Variants in IFT88 observed in about 807,000 individuals in gnomAD.
The protein encoded by IFT88 is intraflagellar transport protein 88 homolog.
In IFT88, 74 loss-of-function variants were observed where a neutral mutation model predicts 119.5. The ratio of observed to expected loss-of-function variants is 0.62; its 90% CI spans 0.51 to 0.75. The LOEUF (loss-of-function observed/expected upper bound fraction) is 0.75. IFT88 is among the 30% of genes least tolerant of loss of function. The probability of loss-of-function intolerance (pLI) is 0.00; values close to 1 mark genes in which losing one functional copy is unlikely to be tolerated. For missense variants in IFT88, 961 were observed against 977.7 expected, an observed-to-expected ratio of 0.98 and a Z score of 0.23; for synonymous variants, 279 against 316.7, an observed-to-expected ratio of 0.88 and a Z score of 1.26.
intron 3 of IFT88, among the ~76,000 whole-genome samples, chr13:20,583,354 A>G (rs554782904): frequency 2.6e-5 from 4 of 152,292 alleles, no homozygotes; most frequent in Admixed American, 1.3e-4. Context: ...CACTTAGTAT[A>G]ATGTCCTCAA....
intron 13 of IFT88, among the ~76,000 whole-genome samples, chr13:20,610,064 C>T (rs1304737268): frequency 6.6e-6 from 1 of 151,328 alleles, no homozygotes; most frequent in Admixed American, 6.6e-5. Flanking sequence ...AGATGCTTCC[C>T]TGTTCAGAGA....
At chr13:20,608,153 T>C (rs2043835275) in intron 13 of IFT88, 1 of 426,126 alleles carries the variant, frequency 2.3e-6, no homozygotes, top group Non-Finnish European at 4.7e-6. Context: ...CTATGACTTG[T>C]AGAGTCCAGA....
intron 16 of IFT88, chr13:20,631,366 C>A: frequency 2.9e-6 from 1 of 349,244 alleles, no homozygotes; most frequent in Non-Finnish European, 5.3e-6. Flanking sequence ...CAACATACAG[C>A]TGGAAGAGCT....
At chr13:20,686,952 C>T (rs1365217878) in intron 24 of IFT88, among the ~76,000 whole-genome samples, 1 of 149,858 alleles carries the variant, frequency 6.7e-6, no homozygotes, top group Non-Finnish European at 1.5e-5. Flanking sequence ...TCTCCTCCTG[C>T]CTCAGCTTCC....
At chr13:20,671,866 G>C (rs1011893477) in intron 24 of IFT88, among the ~76,000 whole-genome samples, 1 of 152,180 alleles carries the variant, frequency 6.6e-6, no homozygotes, top group African/African-American at 2.4e-5. Context: ...TGTCATATCT[G>C]TTTGTGATGT....
chr13:20,602,889 A>C (rs941274972), intron 12 of IFT88, among the ~76,000 whole-genome samples: 10 of 152,130 alleles, frequency 6.6e-5, no homozygotes, highest in African/African-American at 2.2e-4. Context: ...TCTTGAAAAA[A>C]AAAAAGTGAA....
intron 14 of IFT88, among the ~76,000 whole-genome samples, chr13:20,617,531 G>A (rs1288317110): frequency 6.6e-6 from 1 of 152,176 alleles, no homozygotes; most frequent in African/African-American, 2.4e-5. Flanking sequence ...AGGAATTCAA[G>A]TCCTAGATAA....
At chr13:20,591,855 A>G (rs2040743849) in intron 6 of IFT88, among the ~76,000 whole-genome samples, 174 bp downstream of exon 6, 1 of 152,226 alleles carries the variant, frequency 6.6e-6, no homozygotes, top group Non-Finnish European at 1.5e-5. Context: ...AACCTTCTAC[A>G]TATCTGTTGG....
intron 7 of IFT88, among the ~76,000 whole-genome samples, chr13:20,594,546 G>A (rs1290219676): frequency 6.6e-6 from 1 of 152,036 alleles, no homozygotes; most frequent in East Asian, 1.9e-4. Flanking sequence ...CATTTTTTTT[G>A]CATTTGATAG....
intron 3 of IFT88, among the ~76,000 whole-genome samples, chr13:20,585,293 CAAAG>C (rs1469822086): frequency 6.6e-6 from 1 of 152,120 alleles, no homozygotes; most frequent in African/African-American, 2.4e-5. Flanking sequence ...TGGAAAGACT[CAAAG>C]AACTCACTGA....
At chr13:20,567,597 A>G (rs551461370) in intron 1 of IFT88, 2 of 330,866 alleles carry the variant, frequency 6.0e-6, no homozygotes, top group East Asian at 1.4e-4. Context: ...CTTAAAACCC[A>G]GTTAGATTAC....
In IFT88 at chr13:20,567,158, T is replaced by G. The variant is rs1356159364; in HGVS notation, c.-105T>G. On this transcript the variant is annotated 5_prime_UTR_variant, in exon 1 of 26. Transcript: ENST00000351808. ...GCGGAGGACTGTGGGAGCGGCTTCC[T>G]TGGATTCCGCGCTTGGCAACGGCTC... The G allele has an allele frequency of 2.6e-5, 4 of 152,098 alleles. No homozygotes were observed. Among genetic ancestry groups the G allele is most frequent in the South Asian group, 2.1e-4 (1 of 4,834 alleles). The allele number at this position is 152,098 out of a possible 1,614,324, so 9.4% of individuals were successfully genotyped here.
chr13:20,575,396 A>T (rs910728799), intron 2 of IFT88, among the ~76,000 whole-genome samples: 6 of 152,156 alleles, frequency 3.9e-5, no homozygotes, highest in Non-Finnish European at 8.8e-5. Flanking sequence ...GGCTATTGTG[A>T]ATACTGCTGC....
chr13:20,670,980 A>T lies in IFT88; in HGVS notation c.2183A>T (p.Lys728Met). ...GTCTTCTCTTTGCTCTAGCGCATAAAGTCAGGCAGAGATGGCAGTGGGGGC... is the reference window on the plus strand; with the variant it reads ...GTCTTCTCTTTGCTCTAGCGCATAATGTCAGGCAGAGATGGCAGTGGGGGC... ...KMKEIREQRI[K>M]SGRDGSGGSR... The change falls in exon 24 of 26, where the codon AAG (lysine) becomes ATG (methionine). Residue 728 changes from lysine (K) to methionine (M), a missense_variant. By Grantham distance (95) the Lys-to-Met change is moderately conservative. Transcript: ENST00000351808. 1.9e-6 allele frequency: 3 copies of T among 1,613,868 alleles called. No homozygotes were observed. The highest frequency in any genetic ancestry group is 2.5e-6 in the Non-Finnish European group (3 of 1,179,840).
intron 1 of IFT88, among the ~76,000 whole-genome samples, chr13:20,570,366 A>G (rs534313466): frequency 4.7e-4 from 71 of 152,338 alleles, no homozygotes; most frequent in African/African-American, 1.6e-3. Context: ...CAATTCCTTT[A>G]CTAGATATAT....
At chr13:20,609,747 A>G (rs1321430293) in intron 13 of IFT88, among the ~76,000 whole-genome samples, 1 of 149,534 alleles carries the variant, frequency 6.7e-6, no homozygotes, top group Non-Finnish European at 1.5e-5. Context: ...CTGTCTCAAA[A>G]ACAAACAAAC....
At chr13:20,597,408 G>A (rs1251625212) in intron 9 of IFT88, among the ~76,000 whole-genome samples, 2 of 152,054 alleles carry the variant, frequency 1.3e-5, no homozygotes, top group South Asian at 2.1e-4. Flanking sequence ...TCAGAAGTTT[G>A]CGACCAGCCT....
At chr13:20,600,022 T>G (rs1357620327) in intron 11 of IFT88, among the ~76,000 whole-genome samples, 1 of 152,146 alleles carries the variant, frequency 6.6e-6, no homozygotes, top group African/African-American at 2.4e-5. Context: ...GCAGAAACAG[T>G]AAGTTCTCTT....
Position 20,691,057 on chromosome 13 carries a change from C to G in IFT88, c.2357C>G (p.Ala786Gly), listed in dbSNP as rs1320956544. 6.2e-7 allele frequency: 1 copy of G among 1,612,592 alleles called. No homozygotes were observed. Among genetic ancestry groups the G allele is most frequent in the Admixed American group, 1.7e-5 (1 of 59,720 alleles). Residue 786 changes from alanine to glycine, a missense_variant, in exon 26 of 26, where the codon GCC becomes GGC. Coordinates refer to ENST00000351808, the MANE Select transcript of IFT88 (RefSeq NM_006531.5). ...TGACAATCTCTTCGAAACCTAGATG[C>G]CTCCTATGTGGACCCACTTGGCCCT... ...YESSSNKEID[A>G]SYVDPLGPQI...
Sources: gnomAD v4.1 joint callset for allele counts (sites outside exome capture counted in the v4.1 genomes callset) on GRCh38, gnomAD v4.1.1 for gene constraint, MANE v1.5 for transcripts, NCBI Gene and HGNC (gene_info 2026-07-23, HGNC 2026-07-21) for gene names.